The following CHODL variants were observed in gnomAD, a reference collection of about 807,000 sequenced individuals.
CHODL encodes the protein transmembrane protein MT75.
A neutral mutation model predicts 34.5 loss-of-function variants in CHODL; 29 were observed. The ratio of observed to expected loss-of-function variants is 0.84; its 90% confidence interval spans 0.63 to 1.15. CHODL has a LOEUF of 1.15. Ranked by LOEUF, CHODL falls within the 50% of genes most tolerant of loss-of-function variation. The probability of loss-of-function intolerance (pLI) is 0.00; values close to 1 mark genes in which losing one functional copy is unlikely to be tolerated. For missense variants in CHODL, 332 were observed against 332.5 expected (o/e 1.00, Z 0.01); for synonymous variants, 125 against 116.1 (o/e 1.08, Z -0.49).
At chr21:18,214,842 C>A (rs532782543) in intron 2 of CHODL, among the ~76,000 whole-genome samples, 8 of 152,170 alleles carry the variant, frequency 5.3e-5, no homozygotes, top group Non-Finnish European at 8.8e-5. Flanking sequence ...GTAGACCAAT[C>A]TCACACACAG....
At chr21:18,195,364 T>C (rs999179182) in intron 2 of CHODL, among the ~76,000 whole-genome samples, 2 of 152,216 alleles carry the variant, frequency 1.3e-5, no homozygotes, top group African/African-American at 4.8e-5. Context: ...CAATGCATTA[T>C]TATTAACTAT....
At chr21:18,213,951 A>G (rs67842331) in intron 2 of CHODL, among the ~76,000 whole-genome samples, 24,298 of 151,932 alleles carry the variant, frequency 0.16, 2,533 homozygotes, top group African/African-American at 0.29. Context: ...TAACTTTTTC[A>G]TCTTAATAAC....
rs375381768 is a variant in CHODL at position 17,957,983 on chromosome 21, A to G, written c.-145+40583A>G. On this transcript the variant is annotated intron_variant, in intron 1 of 6. Coordinates refer to the CHODL transcript ENST00000400127. ...GAAATGTCTTCATCAATTAGTACAG[A>G]TTGTTATTGATGTTTCCAAGAAATT... Among the ~76,000 whole-genome samples the G allele has an allele frequency of 5.9e-4, 90 of 151,968 alleles. 1 individual carries two copies. The South Asian group carries it at 0.017, about 29-fold the overall frequency.
chr21:18,138,193 C>T (rs2072757054), intron 2 of CHODL, among the ~76,000 whole-genome samples: 1 of 151,500 alleles, frequency 6.6e-6, no homozygotes, highest in African/African-American at 2.4e-5. Flanking sequence ...GAGCCCCTTA[C>T]TCTATTTTCC....
At chr21:18,115,398 C>T (rs538839627) in intron 2 of CHODL, among the ~76,000 whole-genome samples, 1 of 152,300 alleles carries the variant, frequency 6.6e-6, no homozygotes, top group South Asian at 2.1e-4. Context: ...GACTTGCATC[C>T]TCTTAGAAGA....
At chr21:18,188,497 C>G (rs1376685979) in intron 2 of CHODL, among the ~76,000 whole-genome samples, 2 of 152,138 alleles carry the variant, frequency 1.3e-5, no homozygotes, top group African/African-American at 4.8e-5. Flanking sequence ...CTATATGATT[C>G]AAACAAAATA....
intron 2 of CHODL, among the ~76,000 whole-genome samples, chr21:18,236,967 A>T (rs917538708): frequency 1.3e-5 from 2 of 152,140 alleles, no homozygotes; most frequent in African/African-American, 2.4e-5. Context: ...TATTTTTCCT[A>T]TAGGAGACTG....
chr21:18,230,992 T>C (rs1160063061), intron 2 of CHODL, among the ~76,000 whole-genome samples: 1 of 152,118 alleles, frequency 6.6e-6, no homozygotes, highest in Non-Finnish European at 1.5e-5. Context: ...GTTTCAACCC[T>C]TATAATGAAT....
At chr21:18,235,448 TTGTC>T (rs760119851) in intron 2 of CHODL, among the ~76,000 whole-genome samples, 1 of 152,124 alleles carries the variant, frequency 6.6e-6, no homozygotes, top group Non-Finnish European at 1.5e-5. Context: ...ATTATTAAGA[TTGTC>T]TGTACTGGGC....
At chr21:17,920,297 A>T (rs183323102) in intron 1 of CHODL, among the ~76,000 whole-genome samples, 12 of 152,358 alleles carry the variant, frequency 7.9e-5, no homozygotes, top group Non-Finnish European at 1.5e-4. Flanking sequence ...AAAGAAGTTT[A>T]ATGGACTTAC....
At chr21:18,092,712 A>G (rs1655186484) in intron 2 of CHODL, among the ~76,000 whole-genome samples, 1 of 152,244 alleles carries the variant, frequency 6.6e-6, no homozygotes, top group African/African-American at 2.4e-5. Context: ...GTAGCAGAAT[A>G]GATTATGCAG....
At chr21:18,005,852 AG>A (rs2063955641) in intron 1 of CHODL, among the ~76,000 whole-genome samples, 1 of 152,184 alleles carries the variant, frequency 6.6e-6, no homozygotes, top group African/African-American at 2.4e-5. Flanking sequence ...GGAGAGCATC[AG>A]GCAGAATAGC....
intron 1 of CHODL, among the ~76,000 whole-genome samples, chr21:17,944,254 G>A (rs2063388017): frequency 6.6e-6 from 1 of 152,148 alleles, no homozygotes. Flanking sequence ...CATAGACAGG[G>A]AGATTCTCGC....
intron 1 of CHODL, among the ~76,000 whole-genome samples, chr21:17,939,872 A>G (rs1372588409): frequency 1.3e-5 from 2 of 152,168 alleles, no homozygotes; most frequent in East Asian, 1.9e-4. Flanking sequence ...AAAACGTTCA[A>G]TTTTATTACG....
At chr21:17,963,073 A>AT (rs1025874079) in intron 1 of CHODL, among the ~76,000 whole-genome samples, 17 of 87,628 alleles carry the variant, frequency 1.9e-4, no homozygotes, top group South Asian at 9.4e-4. Context: ...CAAAAAAAAA[A>AT]AATAATAATA....
chr21:17,999,691 T>C (rs978265294), intron 1 of CHODL, among the ~76,000 whole-genome samples: 5 of 152,142 alleles, frequency 3.3e-5, no homozygotes, highest in Non-Finnish European at 2.9e-5. Flanking sequence ...ATCACGAGAA[T>C]AGCATGGGAA....
chr21:18,168,905 G>T (rs1189239316), intron 2 of CHODL, among the ~76,000 whole-genome samples: 1 of 152,070 alleles, frequency 6.6e-6, no homozygotes, highest in East Asian at 1.9e-4. Flanking sequence ...GCTCTTACAT[G>T]TAAATCTATG....
intron 2 of CHODL, among the ~76,000 whole-genome samples, chr21:18,069,559 GATT>G (rs2064771475): frequency 7.2e-6 from 1 of 138,908 alleles, no homozygotes; most frequent in South Asian, 2.2e-4. Flanking sequence ...TATATATATG[GATT>G]ATTTGATCCC....
intron 2 of CHODL, among the ~76,000 whole-genome samples, chr21:18,190,244 A>T (rs1403893157): frequency 6.6e-6 from 1 of 152,188 alleles, no homozygotes; most frequent in East Asian, 1.9e-4. Flanking sequence ...AGGTGTACAC[A>T]CAATCTTAGG....
Sources: gnomAD v4.1 joint callset for allele counts (sites outside exome capture counted in the v4.1 genomes callset) on GRCh38, gnomAD v4.1.1 for gene constraint, MANE v1.5 for transcripts, NCBI Gene and HGNC (gene_info 2026-07-23, HGNC 2026-07-21) for gene names.